The following LRMDA variants were observed in gnomAD, a reference collection of about 807,000 sequenced individuals.
LRMDA encodes leucine-rich melanocyte differentiation-associated protein.
In LRMDA, 18 loss-of-function variants were observed where a neutral mutation model predicts 29.8. That is an observed-to-expected ratio of 0.60 (90% CI 0.42 to 0.90). The LOEUF (loss-of-function observed/expected upper bound fraction) is 0.90. Among genes scored for constraint, LRMDA ranks in the 40% least tolerant of loss-of-function variants. The pLI, the probability that LRMDA is intolerant of heterozygous loss-of-function variation, is 0.00. For missense variants in LRMDA, 273 were observed against 273.9 expected, an observed-to-expected ratio of 1.00 and a Z score of 0.02; for synonymous variants, 125 against 109.4, an observed-to-expected ratio of 1.14 and a Z score of -0.89.
chr10:76,503,472 G>GTTT (rs143968618), intron 6 of LRMDA, among the ~76,000 whole-genome samples: 5 of 147,682 alleles, frequency 3.4e-5, no homozygotes, highest in Middle Eastern at 3.4e-3. Context: ...TTGATTGGTA[G>GTTT]TTTTTTTTTT....
intron 6 of LRMDA, among the ~76,000 whole-genome samples, chr10:76,329,567 C>A (rs746445121): frequency 1.3e-5 from 2 of 152,170 alleles, no homozygotes; most frequent in Admixed American, 1.3e-4. Context: ...TCTACTTTGA[C>A]TATTGTTGGC....
At chr10:75,757,219 C>T (rs867925081) in intron 2 of LRMDA, among the ~76,000 whole-genome samples, 3 of 152,188 alleles carry the variant, frequency 2.0e-5, no homozygotes, top group African/African-American at 4.8e-5. Context: ...TTCTGCTACC[C>T]TCCCAACCTC....
chr10:75,920,274 C>T (rs1340004573), intron 2 of LRMDA, among the ~76,000 whole-genome samples: 1 of 152,076 alleles, frequency 6.6e-6, no homozygotes, highest in South Asian at 2.1e-4. Flanking sequence ...TTTGAGATTA[C>T]CCCCAGGACT....
intron 2 of LRMDA, among the ~76,000 whole-genome samples, chr10:75,760,813 G>A (rs1346305834): frequency 6.6e-6 from 1 of 152,058 alleles, no homozygotes; most frequent in Non-Finnish European, 1.5e-5. Flanking sequence ...TTGGCATCAG[G>A]GCATACACTT....
At chr10:76,454,576 G>C (rs747831174) in intron 6 of LRMDA, among the ~76,000 whole-genome samples, 5 of 152,032 alleles carry the variant, frequency 3.3e-5, no homozygotes, top group Non-Finnish European at 7.4e-5. Flanking sequence ...GAGGTGATTT[G>C]GGTCTGCATT....
At chr10:75,913,454 T>A (rs1403481921) in intron 2 of LRMDA, among the ~76,000 whole-genome samples, 1 of 152,172 alleles carries the variant, frequency 6.6e-6, no homozygotes, top group Non-Finnish European at 1.5e-5. Flanking sequence ...AGACTCCGTC[T>A]TGGGGGGAAA....
intron 2 of LRMDA, among the ~76,000 whole-genome samples, chr10:75,449,529 CT>C (rs5786173): frequency 4.7e-4 from 69 of 145,978 alleles, no homozygotes; most frequent in African/African-American, 9.8e-4. Context: ...AAGTTTCCTT[CT>C]TTTTTTTTTT....
chr10:75,874,646 G>A (rs766024872), intron 2 of LRMDA, among the ~76,000 whole-genome samples: 5 of 152,144 alleles, frequency 3.3e-5, no homozygotes, highest in Non-Finnish European at 5.9e-5. Flanking sequence ...AGAGACCTAG[G>A]TATTATGGCT....
intron 2 of LRMDA, among the ~76,000 whole-genome samples, chr10:75,997,632 C>T (rs973013041): frequency 5.9e-5 from 9 of 152,136 alleles, no homozygotes; most frequent in African/African-American, 2.2e-4. Flanking sequence ...AACTGAAGAT[C>T]AGAGAGTTAC....
At chr10:75,760,739 G>A (rs1450765700) in intron 2 of LRMDA, among the ~76,000 whole-genome samples, 1 of 152,218 alleles carries the variant, frequency 6.6e-6, no homozygotes, top group South Asian at 2.1e-4. Context: ...AGATCCATCA[G>A]TGAAATAGCT....
intron 2 of LRMDA, among the ~76,000 whole-genome samples, chr10:75,645,833 T>C (rs1841512995): frequency 6.6e-6 from 1 of 152,172 alleles, no homozygotes; most frequent in African/African-American, 2.4e-5. Context: ...TTGCCAATAC[T>C]GGTAGCCACT....
At chr10:76,466,298 A>C (rs1842563733) in intron 6 of LRMDA, among the ~76,000 whole-genome samples, 1 of 151,458 alleles carries the variant, frequency 6.6e-6, no homozygotes, top group Admixed American at 6.6e-5. Context: ...AGGGGTAGAC[A>C]AACAGACAGA....
At chr10:76,285,657 C>T (rs2132340131) in intron 5 of LRMDA, among the ~76,000 whole-genome samples, 1 of 152,122 alleles carries the variant, frequency 6.6e-6, no homozygotes, top group Non-Finnish European at 1.5e-5. Flanking sequence ...TAGTCCACTC[C>T]ACTGAGTACA....
intron 6 of LRMDA, among the ~76,000 whole-genome samples, chr10:76,553,521 G>A (rs2132397979): frequency 6.6e-6 from 1 of 152,340 alleles, no homozygotes; most frequent in African/African-American, 2.4e-5. Context: ...AGGGCTGTGG[G>A]GAGGACGAGG....
intron 2 of LRMDA, among the ~76,000 whole-genome samples, chr10:75,918,427 G>A (rs557197662): frequency 7.9e-5 from 12 of 152,232 alleles, no homozygotes; most frequent in South Asian, 6.2e-4. Flanking sequence ...GGCACATCAC[G>A]TGGGGAAAGC....
At chr10:75,668,880 C>G (rs998451686) in intron 2 of LRMDA, among the ~76,000 whole-genome samples, 2 of 152,178 alleles carry the variant, frequency 1.3e-5, no homozygotes, top group Non-Finnish European at 2.9e-5. Context: ...CCTAATGTAT[C>G]TACTGTGTGC....
intron 2 of LRMDA, among the ~76,000 whole-genome samples, chr10:75,898,469 T>C (rs1845619578): frequency 6.6e-6 from 1 of 152,164 alleles, no homozygotes; most frequent in African/African-American, 2.4e-5. Context: ...TCTCACTTGT[T>C]CCTGATGCAA....
At chr10:75,672,518 TTCTTTTCCTCCCCTCCCCTCC>T (rs1841904179) in intron 2 of LRMDA, among the ~76,000 whole-genome samples, 419 of 37,598 alleles carry the variant, frequency 0.011, 58 homozygotes, top group East Asian at 0.043. Flanking sequence ...TATTTTTCTT[TTCTTTTCCTCCCCTCCCCTCC>T]CCTCCCCTCC....
chr10:75,653,079 G>A (rs1441779350), intron 2 of LRMDA, among the ~76,000 whole-genome samples: 1 of 152,158 alleles, frequency 6.6e-6, no homozygotes, highest in Non-Finnish European at 1.5e-5. Context: ...GACCCACTCT[G>A]GCTTTAATGG....
Sources: allele counts gnomAD v4.1 joint callset (sites outside exome capture counted in the v4.1 genomes callset), GRCh38; gene constraint gnomAD v4.1.1; transcripts MANE v1.5; gene names NCBI Gene and HGNC (gene_info 2026-07-23, HGNC 2026-07-21).